The following ADAMTS6 variants were observed in gnomAD, a reference collection of about 807,000 sequenced individuals.
ADAMTS6 encodes the protein A disintegrin and metalloproteinase with thrombospondin motifs 6.
In ADAMTS6, 23 loss-of-function variants were observed where a neutral mutation model predicts 144.3. That is an observed-to-expected ratio of 0.16 (90% CI 0.11 to 0.23). The LOEUF (loss-of-function observed/expected upper bound fraction) is 0.23, where lower values mean the gene tolerates loss of function less well. Among genes scored for constraint, ADAMTS6 ranks in the 10% least tolerant of loss-of-function variants. The probability of loss-of-function intolerance (pLI) is 1.00; values close to 1 mark genes in which losing one functional copy is unlikely to be tolerated. For missense variants in ADAMTS6, 999 were observed against 1,379.6 expected (o/e 0.72, Z 4.37); for synonymous variants, 444 against 457.5 (o/e 0.97, Z 0.38).
At chr5:65,246,842 T>C (rs557759290) in intron 14 of ADAMTS6, among the ~76,000 whole-genome samples, 1 of 152,276 alleles carries the variant, frequency 6.6e-6, no homozygotes, top group South Asian at 2.1e-4. Flanking sequence ...TGAATTTGCG[T>C]TGATTAAAAA....
Position 65,262,856 on chromosome 5 carries a change from C to T in ADAMTS6, c.1727G>A (p.Gly576Glu), listed in dbSNP as rs142650468. Residue 576 changes from glycine to glutamate, a missense_variant, in exon 13 of 25, where the codon GGA becomes GAA. Around this residue, in one of 3 missense-constraint regions of ADAMTS6, gnomAD observed 619 missense variants for 837.0 expected, o/e 0.74. Coordinates refer to ENST00000381055, the MANE Select transcript of ADAMTS6 (RefSeq NM_197941.4). The stretch of plus-strand genomic sequence containing the variant: ...GTGTCTTAGGGATGAGGAGACGCCT[C>T]CCCCGCAGGTCCTGCTGCACTCTCC... ...LWGECSRTCG[G>E]GVSSSLRHCD... 1.9e-6 allele frequency: 3 copies of T among 1,578,908 alleles called. No homozygotes were observed. The highest frequency in any genetic ancestry group is 2.6e-6 in the Non-Finnish European group (3 of 1,166,200).
chr5:65,152,584 G>C (rs533123391), intron 24 of ADAMTS6, among the ~76,000 whole-genome samples: 2 of 152,288 alleles, frequency 1.3e-5, no homozygotes, highest in African/African-American at 4.8e-5. Context: ...AGTGAGACAT[G>C]GTCTTCTTTT....
At chr5:65,230,597 ATAT>A (rs1282701195) in intron 15 of ADAMTS6, among the ~76,000 whole-genome samples, 1 of 109,584 alleles carries the variant, frequency 9.1e-6, no homozygotes, top group African/African-American at 3.7e-5. Context: ...ATAATACATG[ATAT>A]ATATGAAATA....
At chr5:65,429,153 C>A (rs147693325) in intron 7 of ADAMTS6, among the ~76,000 whole-genome samples, 1 of 152,306 alleles carries the variant, frequency 6.6e-6, no homozygotes, top group African/African-American at 2.4e-5. Flanking sequence ...TGAAAATCAG[C>A]TATTAGACCC....
At chr5:65,465,273 C>T (rs1759912719) in intron 3 of ADAMTS6, among the ~76,000 whole-genome samples, 1 of 152,148 alleles carries the variant, frequency 6.6e-6, no homozygotes, top group African/African-American at 2.4e-5. Context: ...AAACCTCCTA[C>T]AAATTCCTAC....
At chr5:65,402,279 A>G (rs906402380) in intron 7 of ADAMTS6, among the ~76,000 whole-genome samples, 7 of 152,066 alleles carry the variant, frequency 4.6e-5, no homozygotes, top group Non-Finnish European at 1.0e-4. Context: ...TTGCGAAAAC[A>G]TATATCCTAG....
chr5:65,409,035 C>G (rs1023162895), intron 7 of ADAMTS6, among the ~76,000 whole-genome samples: 3 of 152,118 alleles, frequency 2.0e-5, no homozygotes, highest in Non-Finnish European at 2.9e-5. Context: ...TAAATGCCCA[C>G]AAGAGAAAGC....
intron 18 of ADAMTS6, among the ~76,000 whole-genome samples, chr5:65,217,829 A>G (rs1022357947): frequency 4.6e-5 from 7 of 152,174 alleles, no homozygotes; most frequent in African/African-American, 1.7e-4. Flanking sequence ...AATAAATAGA[A>G]CTTCTCCTCA....
chr5:65,429,909 G>C (rs2150213940), intron 7 of ADAMTS6, among the ~76,000 whole-genome samples: 1 of 152,128 alleles, frequency 6.6e-6, no homozygotes, highest in South Asian at 2.1e-4. Context: ...TTTTAAGAAA[G>C]TAGGCATTCT....
intron 22 of ADAMTS6, among the ~76,000 whole-genome samples, chr5:65,179,921 C>G (rs893267497): frequency 1.3e-5 from 2 of 149,484 alleles, no homozygotes; most frequent in Admixed American, 6.7e-5. Flanking sequence ...TCTTTGCATG[C>G]TTGTGTGCAT....
intron 7 of ADAMTS6, among the ~76,000 whole-genome samples, chr5:65,414,896 G>A (rs1755370913): frequency 6.6e-6 from 1 of 152,040 alleles, no homozygotes; most frequent in African/African-American, 2.4e-5. Context: ...AAAAAACATA[G>A]GAGTAAATCT....
intron 21 of ADAMTS6, 101 bp downstream of exon 21, chr5:65,196,920 CT>C (rs1157482017): frequency 9.5e-6 from 13 of 1,370,026 alleles, no homozygotes; most frequent in South Asian, 1.9e-5. Flanking sequence ...TTTTTTCAGC[CT>C]AATTTATTCT....
intron 8 of ADAMTS6, among the ~76,000 whole-genome samples, chr5:65,332,310 T>TAGAGAG (rs200599386): frequency 6.1e-4 from 69 of 113,590 alleles, no homozygotes; most frequent in Middle Eastern, 4.8e-3. Context: ...TATATATATA[T>TAGAGAG]ATAGAGAGAG....
At chr5:65,199,372 T>A (rs1321736848) in intron 20 of ADAMTS6, among the ~76,000 whole-genome samples, 1 of 152,222 alleles carries the variant, frequency 6.6e-6, no homozygotes, top group Non-Finnish European at 1.5e-5. Context: ...TGGCTATAAT[T>A]ACATTTGTTT....
intron 4 of ADAMTS6, among the ~76,000 whole-genome samples, chr5:65,456,033 A>G (rs1759165998): frequency 6.6e-6 from 1 of 151,160 alleles, no homozygotes; most frequent in African/African-American, 2.4e-5. Context: ...TATATATTCA[A>G]TATTTTATAC....
intron 7 of ADAMTS6, among the ~76,000 whole-genome samples, chr5:65,375,678 T>C (rs1751462563): frequency 6.6e-6 from 1 of 152,032 alleles, no homozygotes; most frequent in Non-Finnish European, 1.5e-5. Context: ...GTAAACTAGT[T>C]CAACCATTGT....
At chr5:65,371,551 C>G (rs527649194) in intron 7 of ADAMTS6, among the ~76,000 whole-genome samples, 1 of 151,718 alleles carries the variant, frequency 6.6e-6, no homozygotes, top group Non-Finnish European at 1.5e-5. Flanking sequence ...TGAAATGAAG[C>G]GAGAAGGGAA....
intron 21 of ADAMTS6, among the ~76,000 whole-genome samples, chr5:65,191,484 C>T (rs986784389): frequency 1.3e-5 from 2 of 151,888 alleles, no homozygotes; most frequent in Non-Finnish European, 2.9e-5. Context: ...GAGAGATTTC[C>T]TAGGCTTTGT....
intron 20 of ADAMTS6, among the ~76,000 whole-genome samples, chr5:65,205,031 A>C (rs1049684493): frequency 6.6e-6 from 1 of 152,058 alleles, no homozygotes; most frequent in African/African-American, 2.4e-5. Flanking sequence ...GTAACTCCTA[A>C]GTGAAAGATA....
Sources: gnomAD v4.1 joint callset for allele counts (sites outside exome capture counted in the v4.1 genomes callset) on GRCh38, gnomAD v4.1.1 for gene constraint, gnomAD v4.1.1 regional missense constraint, MANE v1.5 for transcripts, NCBI Gene and HGNC (gene_info 2026-07-23, HGNC 2026-07-21) for gene names.